AFF3: variants seen among roughly 807,000 people sequenced by gnomAD.
AFF3 encodes AF4/FMR2 family member 3.
Under a neutral mutation model 129.7 loss-of-function variants are expected in AFF3, and 32 were observed. The ratio of observed to expected loss-of-function variants is 0.25; its 90% CI spans 0.19 to 0.33. AFF3 has a LOEUF of 0.33. Ranked by LOEUF, AFF3 falls within the 10% of genes least tolerant of loss-of-function variation. The pLI is 1.00. For synonymous variants in AFF3, 644 were observed against 635.4 expected (o/e 1.01, Z -0.20); for missense variants, 1,373 against 1,592.0 (o/e 0.86, Z 2.34).
chr2:99,589,886 C>T (rs35633506), intron 15 of AFF3, among the ~76,000 whole-genome samples: 32,629 of 152,198 alleles, frequency 0.21, 3,625 homozygotes, highest in Non-Finnish European at 0.25. Context: ...AGAAAACATT[C>T]TCCATTCTTT....
In AFF3 at chr2:100,011,623, G is replaced by T. The variant is rs768754538; in HGVS notation, c.54-2691C>A. The T allele has an allele frequency of 5.1e-6, 4 of 779,184 alleles. No homozygotes were observed. The South Asian group carries it at 5.4e-5, about 10-fold the overall frequency. The allele number at this position is 779,184 out of a possible 1,614,324, so 48.3% of individuals were successfully genotyped here. A position where few individuals can be genotyped will look rare whatever the true frequency, so the allele number is the denominator to read the frequency against. Reference sequence around the variant, plus strand: ...AGCTGAAACACTTTAAACCTGATTAGCCTTGAGTATCTTAGCGTGCATGAG... The same window carrying T: ...AGCTGAAACACTTTAAACCTGATTATCCTTGAGTATCTTAGCGTGCATGAG... On this transcript the variant is annotated intron_variant, in intron 4 of 24. Transcript: ENST00000672756.
At chr2:99,632,026 T>TTC (rs1683167406) in intron 13 of AFF3, among the ~76,000 whole-genome samples, 2 of 145,690 alleles carry the variant, frequency 1.4e-5, no homozygotes, top group Non-Finnish European at 3.0e-5. Flanking sequence ...TTTTTTTTTT[T>TTC]TTTTTTTTAG....
At chr2:99,914,211 G>C (rs77146970) in intron 7 of AFF3, among the ~76,000 whole-genome samples, 3,939 of 152,234 alleles carry the variant, frequency 0.026, 160 homozygotes, top group African/African-American at 0.088. Flanking sequence ...GATGTGCAAC[G>C]AACTGAGAAG....
chr2:99,971,787 G>A (rs991958769), intron 7 of AFF3, among the ~76,000 whole-genome samples: 3 of 152,120 alleles, frequency 2.0e-5, no homozygotes, highest in Non-Finnish European at 2.9e-5. Flanking sequence ...AAAAATGAGC[G>A]ACAAGAGTCA....
At chr2:99,687,980 C>CTACAG (rs1341291363) in intron 11 of AFF3, among the ~76,000 whole-genome samples, 1 of 152,118 alleles carries the variant, frequency 6.6e-6, no homozygotes, top group African/African-American at 2.4e-5. Flanking sequence ...GTAGCTGGAA[C>CTACAG]TACAGGTGCC....
At chr2:100,036,304 G>A (rs1190292692) in intron 4 of AFF3, among the ~76,000 whole-genome samples, 3 of 151,816 alleles carry the variant, frequency 2.0e-5, no homozygotes, top group Admixed American at 2.0e-4. Flanking sequence ...TTGCCCACAC[G>A]TTACCCTAGC....
intron 8 of AFF3, among the ~76,000 whole-genome samples, chr2:99,809,163 T>C (rs888461676): frequency 3.3e-5 from 5 of 152,220 alleles, no homozygotes; most frequent in African/African-American, 1.2e-4. Flanking sequence ...CTTTAGAATA[T>C]GAAAGAAGTT....
intron 13 of AFF3, among the ~76,000 whole-genome samples, chr2:99,618,924 T>TCATTCATTCATG (rs2105285510): frequency 6.6e-6 from 1 of 152,196 alleles, no homozygotes; most frequent in African/African-American, 2.4e-5. Flanking sequence ...ATTCATTCAT[T>TCATTCATTCATG]CATTCAGAGA....
Position 100,022,711 on chromosome 2 carries a change from CCTGT to C in AFF3, c.54-13783_54-13780del, listed in dbSNP as rs1683697395. On this transcript the variant is annotated intron_variant, in intron 4 of 24. Coordinates refer to ENST00000672756, the MANE Select transcript of AFF3 (RefSeq NM_001386135.1). The stretch of plus-strand genomic sequence containing the variant: ...ACAGGCATGAGCCACTGCGCCTGGC[CCTGT>C]CTCTTTTTATGTTTCCCATATACAC... Among the ~76,000 whole-genome samples the C allele has an allele frequency of 2.0e-5, 3 of 152,286 alleles. No individual in the cohort carries two copies. In the South Asian group the frequency reaches 6.2e-4, roughly 32 times the overall value.
intron 18 of AFF3, among the ~76,000 whole-genome samples, chr2:99,571,355 G>A (rs532580784): frequency 1.3e-5 from 2 of 152,008 alleles, no homozygotes; most frequent in South Asian, 4.2e-4. Flanking sequence ...TTTCATTAAA[G>A]GATTATCTTG....
At chr2:99,877,844 C>T (rs2105997447) in intron 7 of AFF3, among the ~76,000 whole-genome samples, 1 of 152,204 alleles carries the variant, frequency 6.6e-6, no homozygotes, top group East Asian at 1.9e-4. Flanking sequence ...TTCATTCATG[C>T]AATAAGTATT....
intron 4 of AFF3, among the ~76,000 whole-genome samples, chr2:100,093,841 T>C (rs1690069373): frequency 6.6e-6 from 1 of 152,204 alleles, no homozygotes; most frequent in South Asian, 2.1e-4. Context: ...TCCACATCAC[T>C]GTAACCTGAG....
intron 7 of AFF3, among the ~76,000 whole-genome samples, chr2:99,916,674 G>T (rs983304478): frequency 7.9e-5 from 12 of 152,108 alleles, no homozygotes; most frequent in African/African-American, 2.9e-4. Flanking sequence ...CAGGCCAGTG[G>T]CACACTGGTT....
intron 8 of AFF3, among the ~76,000 whole-genome samples, chr2:99,753,872 T>G (rs1445252793): frequency 6.6e-6 from 1 of 152,216 alleles, no homozygotes; most frequent in African/African-American, 2.4e-5. Context: ...CCCTTTAAAC[T>G]GTCCCTCTCT....
chr2:99,632,503 G>A (rs977686758), intron 13 of AFF3, among the ~76,000 whole-genome samples: 4 of 152,072 alleles, frequency 2.6e-5, no homozygotes, highest in Non-Finnish European at 4.4e-5. Flanking sequence ...GCTATGGTCC[G>A]TCCAGGGCAT....
chr2:99,741,625 A>G (rs1182637112), intron 10 of AFF3, among the ~76,000 whole-genome samples: 3 of 152,180 alleles, frequency 2.0e-5, no homozygotes, highest in Non-Finnish European at 4.4e-5. Context: ...AATCAATATC[A>G]TGAAAATGGC....
At chr2:99,830,568 A>G (rs994120070) in intron 8 of AFF3, among the ~76,000 whole-genome samples, 17 of 152,168 alleles carry the variant, frequency 1.1e-4, no homozygotes, top group African/African-American at 4.1e-4. Flanking sequence ...CCTGGCCAAC[A>G]TGGTGAAAAC....
intron 8 of AFF3, among the ~76,000 whole-genome samples, chr2:99,801,863 T>C (rs1685969605): frequency 1.3e-5 from 2 of 152,210 alleles, no homozygotes; most frequent in South Asian, 4.1e-4. Flanking sequence ...CCAAGTTCCA[T>C]TATTTTCTGT....
chr2:100,039,831 C>T (rs1021773180), intron 4 of AFF3, among the ~76,000 whole-genome samples: 6 of 152,154 alleles, frequency 3.9e-5, no homozygotes, highest in African/African-American at 1.4e-4. Flanking sequence ...GTCGCTTCCT[C>T]CTTGTTCCAG....
Sources: allele counts gnomAD v4.1 joint callset (sites outside exome capture counted in the v4.1 genomes callset), GRCh38; gene constraint gnomAD v4.1.1; transcripts MANE v1.5; gene names NCBI Gene and HGNC (gene_info 2026-07-23, HGNC 2026-07-21).